The following MILR1 variants were observed in gnomAD, a reference collection of about 807,000 sequenced individuals.
MILR1 encodes the protein mast cell immunoglobulin like receptor 1.
A neutral mutation model predicts 18.5 loss-of-function variants in MILR1; 31 were observed. The ratio of observed to expected loss-of-function variants is 1.68; its 90% CI spans 1.26 to 2.26. MILR1 has a LOEUF of 2.26. Ranked by LOEUF, MILR1 falls within the 30% of genes most tolerant of loss-of-function variation. The pLI is 0.00. For missense variants in MILR1, 257 were observed against 157.4 expected (o/e 1.63, Z -3.38); for synonymous variants, 85 against 56.2 (o/e 1.51, Z -2.30).
chr17:64,479,118 AT>A, the MILR1 span, among the ~76,000 whole-genome samples: 1 of 152,200 alleles, frequency 6.6e-6, no homozygotes, highest in South Asian at 2.1e-4. Flanking sequence ...CATTTTACAC[AT>A]AATAAAACCA....
At chr17:64,466,412 C>T (rs1459809617) in intron 6 of MILR1, 30 bp from the exon 7 acceptor site, 8 of 1,605,138 alleles carry the variant, frequency 5.0e-6, no homozygotes, top group African/African-American at 2.7e-5. Context: ...ACGCCACCAA[C>T]CCCCAATTTA....
the MILR1 span, chr17:64,482,823 CA>C: frequency 5.3e-6 from 4 of 752,158 alleles, no homozygotes; most frequent in Non-Finnish European, 9.6e-6. Context: ...GCAAATATAC[CA>C]AAAAAATCCG....
chr17:64,452,985 G>A (rs1359883072), intron 3 of MILR1, 119 bp downstream of exon 3: 3 of 412,136 alleles, frequency 7.3e-6, no homozygotes, highest in Admixed American at 4.4e-5. Context: ...GTTACTGCGA[G>A]CTTTATTCTT....
intron 8 of MILR1, 148 bp downstream of exon 8, chr17:64,466,810 C>T (rs1555663408): frequency 3.1e-6 from 2 of 644,034 alleles, no homozygotes; most frequent in Non-Finnish European, 5.3e-6. Context: ...CAACCAGCAC[C>T]CCAGCTCCTA....
the MILR1 span, chr17:64,492,937 T>C: frequency 8.1e-6 from 13 of 1,613,984 alleles, no homozygotes; most frequent in East Asian, 2.2e-5. Context: ...AAAAACAGGA[T>C]GAAAACACAC....
intron 8 of MILR1, among the ~76,000 whole-genome samples, chr17:64,467,014 T>G (rs1263596346): frequency 1.4e-5 from 2 of 142,624 alleles, no homozygotes; most frequent in African/African-American, 5.2e-5. Context: ...TTTTTTCTTT[T>G]TCTTTCTTTC....
the MILR1 span, among the ~76,000 whole-genome samples, chr17:64,494,454 G>T: frequency 3.9e-5 from 6 of 152,142 alleles, no homozygotes; most frequent in Non-Finnish European, 8.8e-5. Flanking sequence ...ATCCATTGAT[G>T]ACTGTTGCTT....
chr17:64,481,374 T>C, the MILR1 span: 2 of 985,342 alleles, frequency 2.0e-6, no homozygotes, highest in Non-Finnish European at 2.4e-6. Flanking sequence ...CTTTAAATCT[T>C]TTTAGTGTCC....
intron 9 of MILR1, chr17:64,468,066 T>A (rs1320312561): frequency 2.5e-5 from 9 of 355,974 alleles, no homozygotes; most frequent in African/African-American, 8.7e-5. Context: ...CAGAGTTGAG[T>A]TGTGGGGGAG....
the MILR1 span, among the ~76,000 whole-genome samples, chr17:64,489,659 C>T: frequency 6.6e-6 from 1 of 151,994 alleles, no homozygotes. Flanking sequence ...ACTTGGGAGG[C>T]TGAGGCAGGA....
At chr17:64,457,065 A>G (rs1419134340) in intron 3 of MILR1, among the ~76,000 whole-genome samples, 1 of 152,176 alleles carries the variant, frequency 6.6e-6, no homozygotes, top group Non-Finnish European at 1.5e-5. Flanking sequence ...GAACTGGATC[A>G]TTGACAAAAT....
chr17:64,480,624 G>C, the MILR1 span, among the ~76,000 whole-genome samples: 1 of 152,140 alleles, frequency 6.6e-6, no homozygotes, highest in Non-Finnish European at 1.5e-5. Flanking sequence ...CCAATCTTCT[G>C]AGAAATTTGT....
At position 64,457,531 on chromosome 17, in the gene MILR1, A is replaced by G. The variant is rs894162724; in HGVS notation, c.499A>G (p.Ile167Val). 1 of 475,426 alleles carries G rather than the reference A, an allele frequency of 2.1e-6. No individual in the cohort carries two copies. The highest frequency in any genetic ancestry group is 3.1e-5 in the Admixed American group (1 of 31,762). The allele number at this position is 475,426 out of a possible 1,614,324, so 29.5% of individuals were successfully genotyped here. A position where few individuals can be genotyped will look rare whatever the true frequency, so the allele number is the denominator to read the frequency against. Residue 167 changes from isoleucine (I) to valine (V), a missense_variant, in exon 4 of 10, where the codon ATA (isoleucine) becomes GTA (valine). Transcript: ENST00000619286. ...CACTTTCTTTGAAAACCATGTTGCC[A>G]TATCACCAGCTATTTCCAAGTATGA... ...NYTFFENHVA[I>V]SPAISKYDRE...
At chr17:64,454,316 T>A (rs1336706438) in intron 3 of MILR1, among the ~76,000 whole-genome samples, 2 of 152,152 alleles carry the variant, frequency 1.3e-5, no homozygotes, top group Non-Finnish European at 2.9e-5. Context: ...AGCCTCAAAC[T>A]CCTGTTCTTA....
downstream of MILR1, among the ~76,000 whole-genome samples, chr17:64,472,111 T>C (rs2037694772): frequency 6.6e-6 from 1 of 152,194 alleles, no homozygotes; most frequent in African/African-American, 2.4e-5. Context: ...AAAGGATTGT[T>C]AAATTTAATT....
At chr17:64,450,712 G>C (rs2037150941) in intron 2 of MILR1, among the ~76,000 whole-genome samples, 1 of 151,994 alleles carries the variant, frequency 6.6e-6, no homozygotes, top group Non-Finnish European at 1.5e-5. Context: ...TTGAACTCTT[G>C]ACCTCGTGAT....
At chr17:64,488,822 A>C in the MILR1 span, among the ~76,000 whole-genome samples, 1 of 151,844 alleles carries the variant, frequency 6.6e-6, no homozygotes, top group African/African-American at 2.4e-5. Flanking sequence ...ACAAAAATTA[A>C]CCGGGCGTGG....
the MILR1 span, among the ~76,000 whole-genome samples, chr17:64,497,238 CG>C: frequency 1.3e-5 from 2 of 152,238 alleles, no homozygotes; most frequent in Non-Finnish European, 2.9e-5. Context: ...TTTCTTTCCT[CG>C]TAAGCACCAG....
In MILR1 at chr17:64,466,498, G is replaced by A. The variant is rs781920065; in HGVS notation, c.910G>A (p.Glu304Lys). Residue 304 changes from glutamate to lysine, a missense_variant and splice_region_variant, in exon 7 of 10, where the codon GAG (glutamate) becomes AAG (lysine). Glu to Lys is a moderately conservative substitution (Grantham distance 56). Transcript: ENST00000619286. ...SRPCVSTAQD[E>K]AKHSQELQYA... ...GCCGTGTGTTTCCACAGCCCAAGAT[G>A]GTGAGCATGTTCTGCAGAGTCTATT... The A allele has an allele frequency of 1.2e-6, 2 of 1,613,766 alleles. No homozygotes were observed. Among genetic ancestry groups the A allele is most frequent in the East Asian group, 2.2e-5 (1 of 44,890 alleles).
Sources: gnomAD v4.1 joint callset for allele counts (sites outside exome capture counted in the v4.1 genomes callset) on GRCh38, gnomAD v4.1.1 for gene constraint, MANE v1.5 for transcripts, NCBI Gene and HGNC (gene_info 2026-07-23, HGNC 2026-07-21) for gene names.